Variants in TENT2 observed in about 807,000 individuals in gnomAD.
TENT2 encodes terminal nucleotidyltransferase 2.
In TENT2, 44 loss-of-function variants were observed where a neutral mutation model predicts 72.2. The ratio of observed to expected loss-of-function variants is 0.61; its 90% confidence interval spans 0.48 to 0.78. The LOEUF is 0.78. Ranked by LOEUF, TENT2 falls within the 30% of genes least tolerant of loss-of-function variation. TENT2 has a pLI of 0.00. For synonymous variants in TENT2, 212 were observed against 192.5 expected (o/e 1.10, Z -0.84); for missense variants, 541 against 569.6 (o/e 0.95, Z 0.51).
intron 11 of TENT2, among the ~76,000 whole-genome samples, chr5:79,658,072 T>G (rs934242413): frequency 2.0e-5 from 3 of 152,220 alleles, no homozygotes; most frequent in African/African-American, 7.2e-5. Context: ...TGCTGGATAA[T>G]AAACGTTCAT....
At chr5:79,642,253 A>G (rs1485376963) in intron 6 of TENT2, among the ~76,000 whole-genome samples, 2 of 152,068 alleles carry the variant, frequency 1.3e-5, no homozygotes, top group Non-Finnish European at 2.9e-5. Flanking sequence ...TTATTCCAGG[A>G]AGAATGATAT....
At chr5:79,613,191 G>C (rs1561432326) in intron 1 of TENT2, 116 bp downstream of exon 1, 1 of 152,230 alleles carries the variant, frequency 6.6e-6, no homozygotes, top group Admixed American at 6.5e-5. Flanking sequence ...GGTTAAGACT[G>C]TTGTGTGCGT....
rs1357061124 is a variant in TENT2, at chr5:79,682,007, C to G, written c.1326C>G (p.Ala442=). Residue 442 remains alanine (A), a synonymous_variant, in exon 14 of 15, where the codon GCC becomes GCG. Coordinates refer to ENST00000453514, the MANE Select transcript of TENT2 (RefSeq NM_001114394.3). ...AACCTTTTGATGGAACAAATACAGCCAGAGCAGTGCACGAAAAGCAGAAAT... is the reference window on the plus strand; with the variant it reads ...AACCTTTTGATGGAACAAATACAGCGAGAGCAGTGCACGAAAAGCAGAAAT... ...VEEPFDGTNT[A]RAVHEKQKFD... is the part of the protein sequence containing the mutation. The G allele has an allele frequency of 6.2e-7, 1 of 1,613,392 alleles. No homozygotes were observed. Among genetic ancestry groups the G allele is most frequent in the Admixed American group, 1.7e-5 (1 of 59,968 alleles).
chr5:79,644,178 C>T (rs1197132266), intron 7 of TENT2, among the ~76,000 whole-genome samples: 1 of 151,970 alleles, frequency 6.6e-6, no homozygotes, highest in Non-Finnish European at 1.5e-5. Context: ...GACAGGGTTT[C>T]GCCATGTTGG....
intron 4 of TENT2, among the ~76,000 whole-genome samples, chr5:79,628,665 G>A (rs914003611): frequency 4.6e-5 from 7 of 152,252 alleles, no homozygotes; most frequent in Admixed American, 1.3e-4. Context: ...ACCTAGATTT[G>A]GGGTGTATAG....
At chr5:79,621,096 A>G (rs1764402166) in intron 3 of TENT2, among the ~76,000 whole-genome samples, 1 of 139,202 alleles carries the variant, frequency 7.2e-6, no homozygotes, top group Admixed American at 7.2e-5. Context: ...ATCAGTGAAC[A>G]AGGTGCTGTA....
chr5:79,663,751 T>C (rs1465939559), intron 11 of TENT2, among the ~76,000 whole-genome samples: 1 of 151,914 alleles, frequency 6.6e-6, no homozygotes, highest in East Asian at 1.9e-4. Flanking sequence ...ATTACCAGAG[T>C]GGAACACAGA....
intron 11 of TENT2, among the ~76,000 whole-genome samples, chr5:79,659,385 T>C (rs1800363517): frequency 6.6e-6 from 1 of 150,520 alleles, no homozygotes; most frequent in Non-Finnish European, 1.5e-5. Context: ...ATACAAAAAT[T>C]AGCTGGGCAT....
At chr5:79,632,874 T>C (rs989065099) in intron 4 of TENT2, among the ~76,000 whole-genome samples, 1 of 152,224 alleles carries the variant, frequency 6.6e-6, no homozygotes, top group African/African-American at 2.4e-5. Flanking sequence ...CTTGTTTTTT[T>C]CCTATCTTTC....
At chr5:79,657,058 A>G (rs1194459728) in intron 11 of TENT2, 57 bp downstream of exon 11, 16 of 1,188,638 alleles carry the variant, frequency 1.3e-5, no homozygotes, top group Admixed American at 5.5e-5. Flanking sequence ...ATGTAGAACT[A>G]TTATAAGTAG....
chr5:79,619,381 A>C (rs1762962342), intron 1 of TENT2, among the ~76,000 whole-genome samples: 1 of 152,224 alleles, frequency 6.6e-6, no homozygotes, highest in African/African-American at 2.4e-5. Context: ...TTAATCAGAA[A>C]ATTAGAAATG....
At chr5:79,655,706 T>G (rs1797447531) in intron 10 of TENT2, among the ~76,000 whole-genome samples, 1 of 151,648 alleles carries the variant, frequency 6.6e-6, no homozygotes, top group South Asian at 2.1e-4. Context: ...AATATATATA[T>G]CCTTACTTTC....
intron 12 of TENT2, among the ~76,000 whole-genome samples, chr5:79,671,246 T>C (rs1273860655): frequency 1.3e-5 from 2 of 152,152 alleles, no homozygotes; most frequent in African/African-American, 2.4e-5. Flanking sequence ...TCATTTCATA[T>C]GAGATATTTT....
chr5:79,640,113 G>C (rs1364404992), intron 4 of TENT2, among the ~76,000 whole-genome samples: 2 of 152,106 alleles, frequency 1.3e-5, no homozygotes, highest in African/African-American at 2.4e-5. Context: ...AAAATTAGCT[G>C]GGTGTGGTGG....
At chr5:79,628,452 A>G (rs1165291692) in intron 4 of TENT2, among the ~76,000 whole-genome samples, 1 of 152,210 alleles carries the variant, frequency 6.6e-6, no homozygotes, top group East Asian at 1.9e-4. Flanking sequence ...TTCACCCTGA[A>G]GATGGTTGAT....
At chr5:79,678,844 C>T (rs1434822106) in intron 12 of TENT2, among the ~76,000 whole-genome samples, 6 of 152,186 alleles carry the variant, frequency 3.9e-5, no homozygotes. Flanking sequence ...CAGATTGTTA[C>T]TGCGTTGTTA....
At chr5:79,643,633 A>C (rs1786208969) in intron 7 of TENT2, among the ~76,000 whole-genome samples, 1 of 152,318 alleles carries the variant, frequency 6.6e-6, no homozygotes, top group Non-Finnish European at 1.5e-5. Context: ...TGAATAACTT[A>C]CATCTGTTCT....
rs1214051979 is a variant in TENT2, at chr5:79,623,483, A to G, written c.459A>G (p.Lys153=). The stretch of plus-strand genomic sequence containing the variant: ...GAGAAATCACACTGCCTGAGGCCAA[A>G]GATAAGGTAATAATAATGTAGATTT... The part of the protein sequence containing the change: ...EPREITLPEA[K]DKLSQQILEL... The change falls in exon 4 of 15, where the codon AAA becomes AAG. Residue 153 remains lysine, a synonymous_variant. Transcript: ENST00000453514. The G allele has an allele frequency of 6.3e-7, 1 of 1,592,862 alleles. No individual in the cohort carries two copies. Among genetic ancestry groups the G allele is most frequent in the Non-Finnish European group, 8.6e-7 (1 of 1,165,224 alleles).
intron 1 of TENT2, among the ~76,000 whole-genome samples, chr5:79,618,261 T>C (rs974138790): frequency 6.6e-6 from 1 of 152,192 alleles, no homozygotes; most frequent in Non-Finnish European, 1.5e-5. Context: ...GGGTCTTGCC[T>C]TGTGTCCCAG....
Sources: gnomAD v4.1 joint callset for allele counts (sites outside exome capture counted in the v4.1 genomes callset) on GRCh38, gnomAD v4.1.1 for gene constraint, MANE v1.5 for transcripts, NCBI Gene and HGNC (gene_info 2026-07-23, HGNC 2026-07-21) for gene names.